The following GAK variants were observed in gnomAD, a reference collection of about 807,000 sequenced individuals.
GAK encodes cyclin G associated kinase.
GAK carries 79 observed loss-of-function variants against 143.9 expected under a neutral mutation model. The observed-to-expected ratio is 0.55, with a 90% CI of 0.46 to 0.66. The LOEUF (loss-of-function observed/expected upper bound fraction) is 0.66, where lower values mean the gene tolerates loss of function less well. Ranked by LOEUF, GAK falls within the 30% of genes least tolerant of loss-of-function variation. GAK has a pLI of 0.00. For missense variants in GAK, 1,693 were observed against 1,779.7 expected, an observed-to-expected ratio of 0.95 and a Z score of 0.88; for synonymous variants, 881 against 765.5, an observed-to-expected ratio of 1.15 and a Z score of -2.49.
chr4:877,435 C>T (rs945484292), intron 16 of GAK, among the ~76,000 whole-genome samples, 180 bp downstream of exon 16: 5 of 152,216 alleles, frequency 3.3e-5, no homozygotes, highest in East Asian at 1.9e-4. Context: ...CCTGGACACT[C>T]GGATCCCTGT....
intron 5 of GAK, among the ~76,000 whole-genome samples, chr4:899,952 G>C (rs374043899): frequency 6.6e-6 from 1 of 152,220 alleles, no homozygotes; most frequent in African/African-American, 2.4e-5. Context: ...ATACAGGACC[G>C]GGGCCTCTGA....
At chr4:865,426 A>C (rs1243127186) in intron 22 of GAK, among the ~76,000 whole-genome samples, 182 bp from the exon 23 acceptor site, 1 of 151,942 alleles carries the variant, frequency 6.6e-6, no homozygotes, top group Non-Finnish European at 1.5e-5. Flanking sequence ...CATCACACAG[A>C]ACTGAGCGAG....
chr4:854,131 T>C (rs1748715597), intron 24 of GAK, among the ~76,000 whole-genome samples: 1 of 151,594 alleles, frequency 6.6e-6, no homozygotes, highest in African/African-American at 2.4e-5. Context: ...TTTTTTTTTT[T>C]TTTAATTGAT....
chr4:912,910 C>A, intron 2 of GAK, 116 bp from the exon 3 acceptor site: 1 of 741,216 alleles, frequency 1.3e-6, no homozygotes, highest in Non-Finnish European at 2.1e-6. Context: ...TCTAATACAG[C>A]TCCCCCCGTT....
intron 23 of GAK, among the ~76,000 whole-genome samples, chr4:861,273 G>A (rs1750227291): frequency 6.6e-6 from 1 of 152,180 alleles, no homozygotes; most frequent in South Asian, 2.1e-4. Context: ...AGGAACAACT[G>A]AGCTTAGTGA....
chr4:931,764 G>C (rs1577359905), intron 1 of GAK, among the ~76,000 whole-genome samples: 2 of 151,562 alleles, frequency 1.3e-5, no homozygotes, highest in Admixed American at 1.3e-4. Flanking sequence ...GCTCCGACTT[G>C]ACCCTACTCT....
chr4:891,549 C>T (rs1387245729), intron 9 of GAK, among the ~76,000 whole-genome samples: 2 of 152,256 alleles, frequency 1.3e-5, no homozygotes, highest in South Asian at 4.1e-4. Context: ...AGGGGTCTAA[C>T]GTCTGTCCCC....
intron 11 of GAK, chr4:886,052 G>T: frequency 6.6e-6 from 1 of 152,346 alleles, no homozygotes; most frequent in East Asian, 1.9e-4. Context: ...ACGAGCCACC[G>T]TGCCCAGCCA....
chr4:866,328 C>T, intron 22 of GAK, 36 bp downstream of exon 22: 3 of 1,602,362 alleles, frequency 1.9e-6, no homozygotes, highest in Non-Finnish European at 2.6e-6. Context: ...AGGGAGGCGG[C>T]CATGGAGAGC....
intron 1 of GAK, among the ~76,000 whole-genome samples, chr4:917,980 G>A (rs1231128724): frequency 8.5e-5 from 13 of 152,082 alleles, no homozygotes; most frequent in Admixed American, 8.5e-4. Flanking sequence ...AGAGGAGAAG[G>A]GTTCCCAGCT....
chr4:909,325 G>A (rs1471235860), intron 4 of GAK, among the ~76,000 whole-genome samples: 8 of 152,274 alleles, frequency 5.3e-5, no homozygotes, highest in Non-Finnish European at 1.0e-4. Context: ...GCGCAGGAGC[G>A]GGTGTCAGAG....
At chr4:879,536 C>A (rs573628839) in intron 15 of GAK, among the ~76,000 whole-genome samples, 1 of 152,176 alleles carries the variant, frequency 6.6e-6, no homozygotes, top group Non-Finnish European at 1.5e-5. Flanking sequence ...GAGAACCTTG[C>A]GGCTGACATC....
At chr4:850,412 G>A in intron 26 of GAK, 1 of 252,126 alleles carries the variant, frequency 4.0e-6, no homozygotes, top group African/African-American at 2.2e-5. Flanking sequence ...CCTGGTGCCT[G>A]TGAAAGGACC....
At chr4:891,260 CT>C (rs1283125814) in intron 9 of GAK, among the ~76,000 whole-genome samples, 1 of 151,174 alleles carries the variant, frequency 6.6e-6, no homozygotes, top group African/African-American at 2.4e-5. Flanking sequence ...TGCACCCAGG[CT>C]TTTTTTCTTT....
chr4:865,444 AG>A (rs1014700687), intron 22 of GAK, among the ~76,000 whole-genome samples, 200 bp from the exon 23 acceptor site: 1 of 151,994 alleles, frequency 6.6e-6, no homozygotes, highest in African/African-American at 2.4e-5. Context: ...GAGTGGACGT[AG>A]GGGCACCAGC....
intron 5 of GAK, among the ~76,000 whole-genome samples, chr4:900,072 G>T (rs374886239): frequency 6.6e-6 from 1 of 152,266 alleles, no homozygotes; most frequent in Non-Finnish European, 1.5e-5. Flanking sequence ...AGCACACAGC[G>T]GGGAGATGCA....
intron 1 of GAK, among the ~76,000 whole-genome samples, chr4:929,106 T>C (rs1317852011): frequency 1.3e-5 from 2 of 152,116 alleles, no homozygotes; most frequent in Non-Finnish European, 2.9e-5. Context: ...CCAAAAGCCA[T>C]GTCAAGGAGG....
chr4:866,958 G>C lies in GAK; in HGVS notation c.2870C>G (p.Ala957Gly). ...GCCTTCAGAACAGAAACACGTACCAGCGGCAGGGGGCCCTCCTCTTGGGGT... is the reference window on the plus strand; with the variant it reads ...GCCTTCAGAACAGAAACACGTACCACCGGCAGGGGGCCCTCCTCTTGGGGT... ...QSTPRGGPPA[A>G]ADPFGPLLPS... is the part of the protein sequence containing the mutation. The change falls in exon 21 of 28, where the codon GCT becomes GGT. Residue 957 changes from alanine to glycine, a missense_variant and splice_region_variant. By Grantham distance (60) the Ala-to-Gly change is moderately conservative (BLOSUM62 0). This residue lies in a region of GAK where 822 missense variants were observed against 788.7 expected (regional missense o/e 1.04). Coordinates refer to ENST00000314167, the MANE Select transcript of GAK (RefSeq NM_005255.4). The C allele has an allele frequency of 1.3e-6, 2 of 1,484,946 alleles. No individual in the cohort carries two copies. The highest frequency in any genetic ancestry group is 1.8e-6 in the Non-Finnish European group (2 of 1,116,394). The allele number at this position is 1,484,946 out of a possible 1,614,324, so 92.0% of individuals were successfully genotyped here.
chr4:886,204 G>A (rs550057063), intron 11 of GAK: 1 of 152,418 alleles, frequency 6.6e-6, no homozygotes, highest in East Asian at 1.9e-4. Context: ...GCTGCCCTCA[G>A]CTGGAACCTG....
Sources: allele counts gnomAD v4.1 joint callset (sites outside exome capture counted in the v4.1 genomes callset), GRCh38; gene constraint gnomAD v4.1.1; regional missense constraint gnomAD v4.1.1; transcripts MANE v1.5; gene names NCBI Gene and HGNC (gene_info 2026-07-23, HGNC 2026-07-21).